Variants in SYT12 observed in about 807,000 individuals in gnomAD.
SYT12 encodes the protein synaptotagmin 12.
In SYT12, 27 loss-of-function variants were observed where a neutral mutation model predicts 39.5. The ratio of observed to expected loss-of-function variants is 0.68; its 90% confidence interval spans 0.50 to 0.94. The LOEUF (loss-of-function observed/expected upper bound fraction) is 0.94. SYT12 is among the 40% of genes least tolerant of loss of function. The pLI, the probability that SYT12 is intolerant of heterozygous loss-of-function variation, is 0.00. For synonymous variants in SYT12, 233 were observed against 239.7 expected, an observed-to-expected ratio of 0.97 and a Z score of 0.26; for missense variants, 536 against 572.6, an observed-to-expected ratio of 0.94 and a Z score of 0.65.
At chr11:67,033,903 G>A (rs1034498191) in intron 2 of SYT12, among the ~76,000 whole-genome samples, 22 of 152,132 alleles carry the variant, frequency 1.4e-4, no homozygotes, top group African/African-American at 3.9e-4. Context: ...GTTAATTTCC[G>A]TTTTCGGGGG....
chr11:67,033,505 C>T (rs1591364915), intron 2 of SYT12, among the ~76,000 whole-genome samples: 2 of 152,302 alleles, frequency 1.3e-5, no homozygotes, highest in East Asian at 1.9e-4. Context: ...GCTCTTCGCA[C>T]CTCTCCCCAC....
In SYT12 at chr11:67,035,488, C is replaced by T. The variant is rs1474252613; in HGVS notation, c.228+650C>T. 7.8e-5 allele frequency among the ~76,000 whole-genome samples: 10 copies of T among 128,000 alleles called. No individual in the cohort carries two copies. The South Asian group carries it at 1.4e-3, about 18-fold the overall frequency. 84.0% of individuals were successfully genotyped at this position (128,000 alleles called of 152,430 possible). A position where few individuals can be genotyped will look rare whatever the true frequency, so the allele number is the denominator to read the frequency against. ...TTTTTTTTTTTTTGAGACGGAGTCT[C>T]GCTCTGTTGCCCAGGCTGGAGTGCA... On this transcript the variant is annotated intron_variant, in intron 3 of 7. Coordinates refer to ENST00000527043, the MANE Select transcript of SYT12 (RefSeq NM_177963.4).
chr11:67,034,786 A>G lies in SYT12; in HGVS notation c.176A>G (p.Tyr59Cys). The G allele has an allele frequency of 6.3e-7, 1 of 1,595,596 alleles. No individual in the cohort carries two copies. The change falls in exon 3 of 8, where the codon TAC becomes TGC. Residue 59 changes from tyrosine to cysteine, a missense_variant. Transcript: ENST00000527043. ...PSPSPFPNYDYRYLQQKYGES... is the reference protein window; with the variant it reads ...PSPSPFPNYDCRYLQQKYGES... ...CCCTCTCCGTTCCCCAATTACGACT[A>G]CAGGTACCTTCAGCAGAAGTACGGC...
Position 67,035,155 on chromosome 11 carries a change from G to A in SYT12, c.228+317G>A, listed in dbSNP as rs1278630855. On this transcript the variant is annotated intron_variant, in intron 3 of 7. Coordinates refer to ENST00000527043, the MANE Select transcript of SYT12 (RefSeq NM_177963.4). Reference sequence around the variant, plus strand: ...TTCCCAAGTAGCTGGGATTATAAGCGTGCACCACCATGCCTGGCCAATTTC... The same window carrying A: ...TTCCCAAGTAGCTGGGATTATAAGCATGCACCACCATGCCTGGCCAATTTC... Among the ~76,000 whole-genome samples, 6 of 151,458 alleles carry A rather than the reference G, an allele frequency of 4.0e-5. 1 individual carries two copies. Among genetic ancestry groups the A allele is most frequent in the Admixed American group, 2.0e-4 (3 of 15,184 alleles).
intron 3 of SYT12, among the ~76,000 whole-genome samples, chr11:67,035,800 TCCTTCCTTC>T (rs1950358591): frequency 1.1e-4 from 6 of 54,022 alleles, no homozygotes; most frequent in African/African-American, 4.6e-4. Flanking sequence ...TTTCCTTCCT[TCCTTCCTTC>T]CTTCCTTCCT....
intron 3 of SYT12, among the ~76,000 whole-genome samples, chr11:67,011,343 A>G (rs1466413447): frequency 6.6e-6 from 1 of 152,166 alleles, no homozygotes; most frequent in East Asian, 1.9e-4. Flanking sequence ...CCTGGGTTCA[A>G]GCAATTCTCC....
intron 1 of SYT12, among the ~76,000 whole-genome samples, chr11:67,007,719 C>G (rs1949982394): frequency 6.6e-6 from 1 of 151,732 alleles, no homozygotes; most frequent in African/African-American, 2.4e-5. Flanking sequence ...CATGTGCCAC[C>G]ATGCCCAGCT....
chr11:67,020,353 G>C (rs1247155122), upstream of SYT12, among the ~76,000 whole-genome samples: 1 of 152,202 alleles, frequency 6.6e-6, no homozygotes, highest in African/African-American at 2.4e-5. Flanking sequence ...TGAAAGTTCA[G>C]AGAGGCCAGC....
rs148525272 is a variant in SYT12 at position 67,048,604 on chromosome 11, G to A, written c.1113G>A (p.Thr371=). 9 of 1,603,446 alleles carry A rather than the reference G, an allele frequency of 5.6e-6. No individual in the cohort carries two copies. Among genetic ancestry groups the A allele is most frequent in the Middle Eastern group, 1.7e-4 (1 of 6,054 alleles). ...IVLQDLSLRV[T]VAESSSDGRG... ...CTCAGGACCTGTCTCTCCGCGTGAC[G>A]GTGGCTGAGAGCAGCAGCGACGGCC... Residue 371 remains threonine (T), a synonymous_variant, in exon 8 of 8, where the codon ACG becomes ACA. Coordinates refer to ENST00000527043, the MANE Select transcript of SYT12 (RefSeq NM_177963.4).
intron 3 of SYT12, 78 bp downstream of exon 3, chr11:67,034,916 C>T: frequency 1.7e-6 from 2 of 1,190,236 alleles, no homozygotes; most frequent in Non-Finnish European, 2.3e-6. Context: ...GTCTTCAGCC[C>T]CTCTCCCTCC....
upstream of SYT12, among the ~76,000 whole-genome samples, chr11:67,018,698 C>T (rs1750332506): frequency 6.6e-6 from 1 of 152,034 alleles, no homozygotes; most frequent in Admixed American, 6.6e-5. Flanking sequence ...TGGTGAGCAC[C>T]TGTAGTACCA....
At chr11:67,033,916 G>T (rs1450230920) in intron 2 of SYT12, among the ~76,000 whole-genome samples, 2 of 152,176 alleles carry the variant, frequency 1.3e-5, no homozygotes, top group African/African-American at 4.8e-5. Context: ...TTCGGGGGCA[G>T]CAAGGCTCAG....
chr11:67,035,868 TTCTTTCTTTCTTTCCC>T (rs1211357837), intron 3 of SYT12, among the ~76,000 whole-genome samples: 1 of 136,536 alleles, frequency 7.3e-6, no homozygotes, highest in African/African-American at 3.1e-5. Context: ...CTTTCTTTCT[TTCTTTCTTTCTTTCCC>T]TCCCTCCCTC....
rs555917042 is a variant in SYT12, at chr11:67,007,766, A to AC, written c.-485+311_-485+312insC. Among the ~76,000 whole-genome samples the AC allele has an allele frequency of 3.9e-3, 596 of 151,108 alleles. 4 individuals carry two copies. Among genetic ancestry groups the AC allele is most frequent in the Middle Eastern group, 6.9e-3 (2 of 290 alleles). The stretch of plus-strand genomic sequence containing the variant: ...TTTAGTAGAGACGGGGTTTCCCTAC[A>AC]TTGGCCAGCCTGGACTTGAACTCCT... On this transcript the variant is annotated intron_variant, in intron 1 of 10. Coordinates refer to the SYT12 transcript ENST00000393946.
rs186432544 is a variant in SYT12 at position 67,014,139 on chromosome 11, C to T, written c.-69+3145C>T. Among the ~76,000 whole-genome samples, 39 of 152,310 alleles carry T rather than the reference C, an allele frequency of 2.6e-4. No individual in the cohort carries two copies. The East Asian group carries it at 7.3e-3, about 29-fold the overall frequency. ...AAAGTGATTACAGCTTGAGATCCTT[C>T]ACTTAATTACATCTGCAAAGACCCT... On this transcript the variant is annotated intron_variant, in intron 3 of 10. Transcript: ENST00000393946.
intron 3 of SYT12, among the ~76,000 whole-genome samples, chr11:67,011,611 C>G (rs1161789166): frequency 1.3e-5 from 2 of 152,170 alleles, no homozygotes; most frequent in Admixed American, 6.6e-5. Context: ...TCTTTCCACA[C>G]TGGGTCTGAG....
intron 2 of SYT12, 164 bp downstream of exon 2, chr11:67,030,342 G>A (rs1231102434): frequency 1.7e-5 from 12 of 709,474 alleles, no homozygotes; most frequent in Non-Finnish European, 2.3e-5. Flanking sequence ...CCCGCCCTGG[G>A]GACATCAAGC....
intron 1 of SYT12, 49 bp from the exon 2 acceptor site, chr11:67,030,073 G>T (rs1950236454): frequency 6.3e-7 from 1 of 1,587,290 alleles, no homozygotes; most frequent in Non-Finnish European, 8.6e-7. Context: ...CTAGGAGCGG[G>T]ACGCTGACTC....
intron 5 of SYT12, among the ~76,000 whole-genome samples, chr11:67,044,162 A>T (rs1950566639): frequency 6.6e-6 from 1 of 152,186 alleles, no homozygotes; most frequent in Non-Finnish European, 1.5e-5. Flanking sequence ...GACAGACACC[A>T]AGCTGCACTT....
Sources: allele counts gnomAD v4.1 joint callset (sites outside exome capture counted in the v4.1 genomes callset), GRCh38; gene constraint gnomAD v4.1.1; transcripts MANE v1.5; gene names NCBI Gene and HGNC (gene_info 2026-07-23, HGNC 2026-07-21).